The following CD4 variants were observed in gnomAD, a reference collection of about 807,000 sequenced individuals.
CD4 encodes CD4 molecule.
A neutral mutation model predicts 50.5 loss-of-function variants in CD4; 25 were observed. The ratio of observed to expected loss-of-function variants is 0.49; its 90% CI spans 0.36 to 0.69. CD4 has a LOEUF of 0.69. Ranked by LOEUF, CD4 falls within the 30% of genes least tolerant of loss-of-function variation. The pLI is 0.00. For synonymous variants in CD4, 207 were observed against 221.9 expected (o/e 0.93, Z 0.60); for missense variants, 456 against 548.5 (o/e 0.83, Z 1.68).
intron 1 of CD4, among the ~76,000 whole-genome samples, chr12:6,793,666 ATCTATCTATC>A (rs1173083063): frequency 1.2e-5 from 1 of 84,062 alleles, no homozygotes; most frequent in Non-Finnish European, 2.3e-5. Context: ...CTATCTATCT[ATCTATCTATC>A]TATCTATCTA....
chr12:6,796,104 G>T (rs1462944019), intron 1 of CD4, among the ~76,000 whole-genome samples: 2 of 152,182 alleles, frequency 1.3e-5, no homozygotes, highest in African/African-American at 2.4e-5. Context: ...AATTCAATTT[G>T]GCTTAAGTTA....
At chr12:6,791,460 C>T (rs1942159375) in intron 1 of CD4, among the ~76,000 whole-genome samples, 1 of 152,202 alleles carries the variant, frequency 6.6e-6, no homozygotes, top group African/African-American at 2.4e-5. Context: ...ACAGGCTGGC[C>T]TCAAACTCCT....
intron 3 of CD4, among the ~76,000 whole-genome samples, chr12:6,812,548 G>A (rs146764427): frequency 6.2e-4 from 94 of 152,092 alleles, no homozygotes; most frequent in East Asian, 3.3e-3. Context: ...GCTTGGTTGC[G>A]CATGCCTGTA....
At chr12:6,800,545 G>A (rs1421111273) in intron 3 of CD4, 74 bp downstream of exon 3, 1 of 1,347,762 alleles carries the variant, frequency 7.4e-7, no homozygotes, top group African/African-American at 1.5e-5. Flanking sequence ...CTGAGATCTG[G>A]TCTTAGTTAA....
In CD4 at chr12:6,815,769, C is replaced by T. The variant is rs782648361; in HGVS notation, c.608-287C>T. ...CCTCTAAGGAGTGGAGGCCAAATGG[C>T]TTCTGTGGTCCAGGAATCCTAAGGA... On this transcript the variant is annotated intron_variant, in intron 5 of 9. Coordinates refer to ENST00000011653, the MANE Select transcript of CD4 (RefSeq NM_000616.5). 2.8e-6 allele frequency: 4 copies of T among 1,416,964 alleles called. No homozygotes were observed. The South Asian group carries it at 4.9e-5, about 17-fold the overall frequency. 87.8% of individuals were successfully genotyped at this position (1,416,964 alleles called of 1,614,324 possible).
In CD4 at chr12:6,800,487, T is replaced by C; in HGVS notation, c.214+16T>C. 1 of 1,606,728 alleles carries C rather than the reference T, an allele frequency of 6.2e-7. No individual in the cohort carries two copies. Among genetic ancestry groups the C allele is most frequent in the Non-Finnish European group, 8.5e-7 (1 of 1,176,710 alleles). On this transcript the variant is annotated intron_variant, in intron 3 of 9. Coordinates refer to ENST00000011653, the MANE Select transcript of CD4 (RefSeq NM_000616.5). ...TTAACTAAAGGTAGGGTTGCCTGGCTCCCCATCCAGGGAGGAAAACACACT... is the reference window on the plus strand; with the variant it reads ...TTAACTAAAGGTAGGGTTGCCTGGCCCCCCATCCAGGGAGGAAAACACACT...
chr12:6,791,633 C>A (rs1942164561), intron 1 of CD4, among the ~76,000 whole-genome samples: 1 of 152,226 alleles, frequency 6.6e-6, no homozygotes, highest in African/African-American at 2.4e-5. Context: ...GTAATCCCAG[C>A]CCTTTGAGAG....
chr12:6,793,323 T>A (rs1485125427), intron 1 of CD4, among the ~76,000 whole-genome samples: 1 of 152,010 alleles, frequency 6.6e-6, no homozygotes, highest in Non-Finnish European at 1.5e-5. Context: ...CCTCTAGTCT[T>A]CCCCAGGCAT....
At position 6,818,838 on chromosome 12, in the gene CD4, C is replaced by T; in HGVS notation, c.1279-9C>T. ...GACCCTCGTGACTCCCTTTCTTGTC[C>T]CTGGACAGCGCCAAGCAGAGCGGAT... On this transcript the variant is annotated splice_polypyrimidine_tract_variant and intron_variant, in intron 8 of 9. Transcript: ENST00000011653. The surrounding 1 kb of genome is among the most constrained non-coding windows in gnomAD (Gnocchi z 5.0). 6.2e-7 allele frequency: 1 copy of T among 1,612,822 alleles called. No individual in the cohort carries two copies. Among genetic ancestry groups the T allele is most frequent in the East Asian group, 2.2e-5 (1 of 44,850 alleles).
At chr12:6,815,157 C>G in intron 5 of CD4, 165 bp downstream of exon 5, 2 of 596,620 alleles carry the variant, frequency 3.4e-6, no homozygotes, top group South Asian at 4.4e-5. Flanking sequence ...CACTGGGGCC[C>G]TCATCCTCAG....
rs28917505 is a variant in CD4, at chr12:6,814,982, C to T, written c.597C>T (p.Ile199=). 1.6e-5 allele frequency: 25 copies of T among 1,610,542 alleles called. No individual in the cohort carries two copies. Among genetic ancestry groups the T allele is most frequent in the African/African-American group, 1.2e-4 (9 of 74,916 alleles). The change falls in exon 5 of 10, where the codon ATC becomes ATT. Residue 199 remains isoleucine, a synonymous_variant. Coordinates refer to ENST00000011653, the MANE Select transcript of CD4 (RefSeq NM_000616.5). ...NQKKVEFKID[I]VVLAFQKASS... ...AGAAGGTGGAGTTCAAAATAGACAT[C>T]GTGGTGCTAGGTAAGGGAAGCCCCT...
chr12:6,818,334 A>G lies in CD4; in HGVS notation c.1157-87A>G. 2 of 1,542,652 alleles carry G rather than the reference A, an allele frequency of 1.3e-6. No homozygotes were observed. Among genetic ancestry groups the G allele is most frequent in the Non-Finnish European group, 1.8e-6 (2 of 1,134,630 alleles). The stretch of plus-strand genomic sequence containing the variant: ...CCCCAACCCCAGGGTCAAACCAGAG[A>G]CTGGCCAGGAGGGATTGCAGGGCAG... On this transcript the variant is annotated intron_variant, in intron 7 of 9. Coordinates refer to ENST00000011653, the MANE Select transcript of CD4 (RefSeq NM_000616.5). This position sits in a 1 kb window ranked among gnomAD's most constrained non-coding sequence, Gnocchi z 5.0.
chr12:6,816,126 C>T lies in CD4; in HGVS notation c.678C>T (p.Ala226=). The T allele has an allele frequency of 6.2e-7, 1 of 1,614,178 alleles. No individual in the cohort carries two copies. Among genetic ancestry groups the T allele is most frequent in the Non-Finnish European group, 8.5e-7 (1 of 1,180,026 alleles). The change falls in exon 6 of 10, where the codon GCC becomes GCT. Residue 226 remains alanine (A), a synonymous_variant. Transcript: ENST00000011653. This position sits in a 1 kb window ranked among gnomAD's most constrained non-coding sequence, Gnocchi z 4.9. ...GEQVEFSFPL[A]FTVEKLTGSG... is the part of the protein sequence containing the mutation. ...AGGTGGAGTTCTCCTTCCCACTCGCCTTTACAGTTGAAAAGCTGACGGGCA... is the reference window on the plus strand; with the variant it reads ...AGGTGGAGTTCTCCTTCCCACTCGCTTTTACAGTTGAAAAGCTGACGGGCA...
chr12:6,802,023 G>A (rs1381139282), intron 3 of CD4, among the ~76,000 whole-genome samples: 2 of 151,616 alleles, frequency 1.3e-5, no homozygotes, highest in Non-Finnish European at 2.9e-5. Flanking sequence ...ACAGGCGTGT[G>A]CCACCATGCC....
rs1555118751 is a variant in CD4, at chr12:6,819,665, G to C, written c.*336G>C. On this transcript the variant is annotated 3_prime_UTR_variant, in exon 10 of 10. Coordinates refer to ENST00000011653, the MANE Select transcript of CD4 (RefSeq NM_000616.5). Reference sequence around the variant, plus strand: ...AGCCCTGGCTGGCATGGAGGGTGAGGCTGGGTGTCTGGAAGCATGGAGCAT... The same window carrying C: ...AGCCCTGGCTGGCATGGAGGGTGAGCCTGGGTGTCTGGAAGCATGGAGCAT... 2.8e-6 allele frequency: 1 copy of C among 351,826 alleles called. No individual in the cohort carries two copies. The highest frequency in any genetic ancestry group is 4.4e-5 in the Admixed American group (1 of 22,474). 21.8% of individuals were successfully genotyped at this position (351,826 alleles called of 1,614,324 possible).
intron 1 of CD4, among the ~76,000 whole-genome samples, chr12:6,791,372 A>G (rs1295066058): frequency 1.3e-5 from 2 of 152,180 alleles, no homozygotes; most frequent in African/African-American, 4.8e-5. Context: ...CCTCTTGAGT[A>G]GCTGGGATTA....
In CD4 at chr12:6,792,281, TG is replaced by T. The variant is rs1942184219; in HGVS notation, c.-68+2624del. 6.6e-6 allele frequency among the ~76,000 whole-genome samples: 1 copy of T among 152,006 alleles called. No individual in the cohort carries two copies. The highest frequency in any genetic ancestry group is 2.4e-5 in the African/African-American group (1 of 41,398). On this transcript the variant is annotated intron_variant, in intron 1 of 9. Coordinates refer to ENST00000011653, the MANE Select transcript of CD4 (RefSeq NM_000616.5). This position sits in a 1 kb window ranked among gnomAD's most constrained non-coding sequence, Gnocchi z 4.1. ...CAAGCCTCGCCCCTCATCCCATCCCTGGGGGCCAGGGGTGAGGGCGGCAGGA... is the reference window on the plus strand; with the variant it reads ...CAAGCCTCGCCCCTCATCCCATCCCTGGGGCCAGGGGTGAGGGCGGCAGGA...
rs181185350 is a variant in CD4 at position 6,805,293 on chromosome 12, T to A, written c.214+4822T>A. On this transcript the variant is annotated intron_variant, in intron 3 of 9. Coordinates refer to ENST00000011653, the MANE Select transcript of CD4 (RefSeq NM_000616.5). ...AAAACATGCGTAGGGCCAGGTGCAG[T>A]GGCTCATGCCTGTAATCCCAGCACT... 1.3e-3 allele frequency among the ~76,000 whole-genome samples: 192 copies of A among 151,836 alleles called. No homozygotes were observed. In the South Asian group the frequency reaches 0.019, roughly 15 times the overall value.
chr12:6,797,731 G>A (rs575198682), intron 1 of CD4, among the ~76,000 whole-genome samples: 1 of 152,334 alleles, frequency 6.6e-6, no homozygotes, highest in African/African-American at 2.4e-5. Context: ...CTAGATTTAT[G>A]TTTAACTTTA....
Sources: gnomAD v4.1 joint callset for allele counts (sites outside exome capture counted in the v4.1 genomes callset) on GRCh38, gnomAD v4.1.1 for gene constraint, Gnocchi (gnomAD v3.1) non-coding constraint, MANE v1.5 for transcripts, NCBI Gene and HGNC (gene_info 2026-07-23, HGNC 2026-07-21) for gene names.